WFDC5: variants seen among roughly 807,000 people sequenced by gnomAD.
WFDC5 encodes the protein WAP four-disulfide core domain protein 5.
WFDC5 carries 15 observed loss-of-function variants against 15.7 expected under a neutral mutation model. The ratio of observed to expected loss-of-function variants is 0.96; its 90% confidence interval spans 0.64 to 1.47. The LOEUF is 1.47. Ranked by LOEUF, WFDC5 falls within the 40% of genes most tolerant of loss-of-function variation. WFDC5 has a pLI of 0.00. For synonymous variants in WFDC5, 109 were observed against 107.7 expected, an observed-to-expected ratio of 1.01 and a Z score of -0.07; for missense variants, 280 against 258.0, an observed-to-expected ratio of 1.09 and a Z score of -0.59.
chr20:45,110,429 C>T (rs747953266), exon 3 of WFDC5: 3 of 1,611,098 alleles, frequency 1.9e-6, no homozygotes, highest in Non-Finnish European at 2.5e-6. Flanking sequence ...ATCCCGCCCG[C>T]AGGCGCTGTG....
chr20:45,109,687 C>A, exon 4 of WFDC5: 2 of 701,546 alleles, frequency 2.9e-6, no homozygotes, highest in South Asian at 1.5e-5. Flanking sequence ...CTGAATTGGG[C>A]ATTTTTGGTG....
chr20:45,112,336 C>T (rs987535401), intron 1 of WFDC5, among the ~76,000 whole-genome samples: 3 of 152,100 alleles, frequency 2.0e-5, no homozygotes, highest in East Asian at 1.9e-4. Context: ...GCTTCTGTGG[C>T]GAGGGGCCTG....
In WFDC5 at chr20:45,109,753, T is replaced by A. The variant is rs747721356; in HGVS notation, c.654A>T (p.Ile218=). ...AGCGTTAGGAAGGGTGGGAAGCTCG[T>A]ATGGCAGTGGTGCAGAGTACTGGGG... The change falls in exon 4 of 4, where the codon ATA becomes ATT. Residue 218 remains isoleucine (I), a synonymous_variant. Coordinates refer to ENST00000307971, the Ensembl canonical transcript of WFDC5. 4.3e-5 allele frequency: 31 copies of A among 719,154 alleles called. No homozygotes were observed. The African/African-American group carries it at 5.1e-4, about 12-fold the overall frequency. The allele number at this position is 719,154 out of a possible 1,614,324, so 44.5% of individuals were successfully genotyped here. A position where few individuals can be genotyped will look rare whatever the true frequency, so the allele number is the denominator to read the frequency against.
At chr20:45,114,522 G>A (rs764325823) in intron 1 of WFDC5, among the ~76,000 whole-genome samples, 62 of 152,226 alleles carry the variant, frequency 4.1e-4, no homozygotes, top group Non-Finnish European at 6.9e-4. Flanking sequence ...TCACACCACA[G>A]CCCAGCAGGC....
chr20:45,115,179 G>A, upstream of WFDC5: 4 of 1,191,720 alleles, frequency 3.4e-6, no homozygotes, highest in Non-Finnish European at 4.7e-6. Flanking sequence ...AAAGAGAGGG[G>A]GTGTGGAGTG....
At chr20:45,111,065 C>G (rs1981603274) in intron 1 of WFDC5, among the ~76,000 whole-genome samples, 1 of 152,194 alleles carries the variant, frequency 6.6e-6, no homozygotes, top group South Asian at 2.1e-4. Flanking sequence ...TGGGCCCTGC[C>G]CATCTCTCTA....
upstream of WFDC5, among the ~76,000 whole-genome samples, chr20:45,116,134 T>TGA (rs2145529912): frequency 1.3e-5 from 2 of 152,288 alleles, no homozygotes; most frequent in Admixed American, 1.3e-4. Context: ...CATCTGATCC[T>TGA]GAGAAAGGAG....
intron 1 of WFDC5, among the ~76,000 whole-genome samples, chr20:45,111,425 C>T (rs1981618538): frequency 6.6e-6 from 1 of 152,196 alleles, no homozygotes; most frequent in African/African-American, 2.4e-5. Context: ...GTCCATATCA[C>T]AGCCCTTGGC....
At chr20:45,110,341 A>C in intron 3 of WFDC5, 59 bp downstream of exon 3, 2 of 1,544,454 alleles carry the variant, frequency 1.3e-6, no homozygotes, top group South Asian at 1.2e-5. Context: ...CAATGAAGAA[A>C]GTATTAGAGC....
At chr20:45,112,806 T>G (rs1312399380) in intron 1 of WFDC5, among the ~76,000 whole-genome samples, 1 of 152,174 alleles carries the variant, frequency 6.6e-6, no homozygotes, top group Non-Finnish European at 1.5e-5. Context: ...ATGGTTCAAC[T>G]TAATACACAC....
chr20:45,114,769 TTACA>T, intron 1 of WFDC5, among the ~76,000 whole-genome samples: 1 of 145,984 alleles, frequency 6.9e-6, no homozygotes. Flanking sequence ...GAAAAGACAC[TTACA>T]GATACCAACA....
upstream of WFDC5, chr20:45,115,314 TCTTGC>T: frequency 1.9e-6 from 1 of 532,840 alleles, no homozygotes; most frequent in Non-Finnish European, 3.4e-6. Context: ...TCAGATCCAG[TCTTGC>T]CTGTATCGGT....
chr20:45,114,869 ACGCACGCACG>A, intron 1 of WFDC5, 120 bp downstream of exon 1: 1 of 879,068 alleles, frequency 1.1e-6, no homozygotes, highest in Non-Finnish European at 1.7e-6. Context: ...ACATACACAC[ACGCACGCACG>A]CACACACACA....
intron 1 of WFDC5, among the ~76,000 whole-genome samples, chr20:45,111,290 CCCG>C (rs200804367): frequency 0.13 from 17,523 of 135,308 alleles, 859 homozygotes; most frequent in Middle Eastern, 0.18. Context: ...GCCCCCCCAC[CCCG>C]GCCCCCACAC....
At chr20:45,115,601 T>G (rs1981741680), upstream of WFDC5, among the ~76,000 whole-genome samples, 2 of 152,060 alleles carry the variant, frequency 1.3e-5, no homozygotes, top group Non-Finnish European at 2.9e-5. Context: ...GCATAATGAG[T>G]GAGGCCAGCC....
chr20:45,110,798 T>G (rs1981597198), intron 1 of WFDC5, 23 bp from the exon 2 acceptor site: 2 of 1,612,898 alleles, frequency 1.2e-6, no homozygotes, highest in African/African-American at 1.3e-5. Flanking sequence ...CTCCTAATAT[T>G]GCAGCTGGAG....
At chr20:45,112,785 A>G (rs6032000) in intron 1 of WFDC5, among the ~76,000 whole-genome samples, 10 of 152,372 alleles carry the variant, frequency 6.6e-5, no homozygotes, top group African/African-American at 2.2e-4. Context: ...CTACAAAAGT[A>G]GCAATTTTAC....
chr20:45,113,428 C>T (rs954653619), intron 1 of WFDC5, among the ~76,000 whole-genome samples: 4 of 152,214 alleles, frequency 2.6e-5, no homozygotes, highest in African/African-American at 9.7e-5. Context: ...AGTGGCCCTG[C>T]GCAGGCTCGG....
exon 2 of WFDC5, chr20:45,110,648 G>A: frequency 6.2e-7 from 1 of 1,614,044 alleles, no homozygotes; most frequent in Non-Finnish European, 8.5e-7. Flanking sequence ...AGACCCTGGG[G>A]ACACACTGGC....
Sources: allele counts gnomAD v4.1 joint callset (sites outside exome capture counted in the v4.1 genomes callset), GRCh38; gene constraint gnomAD v4.1.1; transcripts MANE v1.5; gene names NCBI Gene and HGNC (gene_info 2026-07-23, HGNC 2026-07-21).